DTD1: variants seen among roughly 807,000 people sequenced by gnomAD.
DTD1 encodes the protein D-aminoacyl-tRNA deacylase 1.
In DTD1, 13 loss-of-function variants were observed where a neutral mutation model predicts 25.6. That is an observed-to-expected ratio of 0.51 (90% CI 0.33 to 0.81). The LOEUF is 0.81. DTD1 is among the 30% of genes least tolerant of loss of function. The pLI, the probability that DTD1 is intolerant of heterozygous loss-of-function variation, is 0.02. For synonymous variants in DTD1, 110 were observed against 103.6 expected (o/e 1.06, Z -0.37); for missense variants, 193 against 266.4 (o/e 0.72, Z 1.92).
chr20:18,763,768 T>A lies in DTD1; in HGVS notation c.*428T>A, dbSNP rs968925678. The A allele has an allele frequency of 1.3e-5, 2 of 152,280 alleles. No individual in the cohort carries two copies. The highest frequency in any genetic ancestry group is 4.8e-5 in the African/African-American group (2 of 41,450). 9.4% of individuals were successfully genotyped at this position (152,280 alleles called of 1,614,324 possible). ...CTCACACTGTCCATGTTCTTTTTAT[T>A]GCCAGGGCCCGTGTTGAAGTGTCAA... On this transcript the variant is annotated 3_prime_UTR_variant, in exon 6 of 6. Coordinates refer to ENST00000377452, the MANE Select transcript of DTD1 (RefSeq NM_080820.6).
intron 4 of DTD1, among the ~76,000 whole-genome samples, chr20:18,720,954 A>T (rs1316653277): frequency 6.6e-6 from 1 of 152,236 alleles, no homozygotes; most frequent in Non-Finnish European, 1.5e-5. Flanking sequence ...ACCTTGTTAA[A>T]CACCCTAATG....
At chr20:18,594,919 G>A (rs2060603849) in intron 2 of DTD1, among the ~76,000 whole-genome samples, 1 of 152,184 alleles carries the variant, frequency 6.6e-6, no homozygotes, top group Non-Finnish European at 1.5e-5. Flanking sequence ...AGGGGGTAAT[G>A]AGTAGCACCT....
chr20:18,631,093 C>G (rs779978549), intron 4 of DTD1: 15 of 985,324 alleles, frequency 1.5e-5, no homozygotes, highest in African/African-American at 1.7e-5. Context: ...GCAGACAGCT[C>G]TCTCTCAGCT....
chr20:18,688,233 G>A (rs568943710), intron 4 of DTD1, among the ~76,000 whole-genome samples: 6 of 152,196 alleles, frequency 3.9e-5, no homozygotes, highest in East Asian at 1.9e-4. Context: ...ACTATGCCAC[G>A]CACTAGGCAT....
intron 4 of DTD1, among the ~76,000 whole-genome samples, chr20:18,639,276 C>G (rs1161034062): frequency 1.3e-5 from 2 of 151,568 alleles, no homozygotes; most frequent in Admixed American, 6.6e-5. Context: ...CCAGTTTTCC[C>G]CCAAATACAA....
intron 4 of DTD1, among the ~76,000 whole-genome samples, chr20:18,668,982 G>A (rs1049898647): frequency 2.0e-5 from 3 of 152,200 alleles, no homozygotes; most frequent in Admixed American, 6.5e-5. Context: ...GCCCAGAACA[G>A]GCATATCTGA....
At chr20:18,666,505 A>C (rs2060931791) in intron 4 of DTD1, among the ~76,000 whole-genome samples, 1 of 152,230 alleles carries the variant, frequency 6.6e-6, no homozygotes, top group African/African-American at 2.4e-5. Flanking sequence ...ATTGCAGATA[A>C]ACAAGAAATT....
At position 18,706,510 on chromosome 20, in the gene DTD1, T is replaced by A. The variant is rs74418435; in HGVS notation, c.478-37590T>A. 4.9e-4 allele frequency among the ~76,000 whole-genome samples: 75 copies of A among 152,290 alleles called. 2 individuals are homozygous for A. In the East Asian group the frequency reaches 8.9e-3, roughly 18 times the overall value. ...TCAGGTGGGTGGGATTGCTCCTGAA[T>A]GTGGGCAGTTCAGCATTTCAAGTTG... is the stretch of plus-strand genomic sequence containing the variant. On this transcript the variant is annotated intron_variant, in intron 4 of 5. Transcript: ENST00000377452.
intron 5 of DTD1, among the ~76,000 whole-genome samples, chr20:18,745,930 G>A (rs1171986044): frequency 6.6e-6 from 1 of 152,144 alleles, no homozygotes; most frequent in Non-Finnish European, 1.5e-5. Flanking sequence ...GAAGCAGATA[G>A]GCCCATTAGG....
chr20:18,715,156 T>G (rs2061175051), intron 4 of DTD1, among the ~76,000 whole-genome samples: 1 of 152,120 alleles, frequency 6.6e-6, no homozygotes, highest in African/African-American at 2.4e-5. Context: ...TCCTAAGTAG[T>G]GACCAACTAC....
chr20:18,638,165 A>G (rs1014803541), intron 4 of DTD1, among the ~76,000 whole-genome samples: 2 of 147,184 alleles, frequency 1.4e-5, no homozygotes, highest in Admixed American at 1.4e-4. Context: ...ATGTCCCTCC[A>G]TCTGCCCATC....
At chr20:18,725,306 C>T (rs144622740) in intron 4 of DTD1, among the ~76,000 whole-genome samples, 6 of 152,274 alleles carry the variant, frequency 3.9e-5, no homozygotes, top group African/African-American at 7.2e-5. Context: ...CACTGATGGG[C>T]GTGTCTGATG....
intron 4 of DTD1, among the ~76,000 whole-genome samples, chr20:18,668,538 T>G (rs2060940287): frequency 6.6e-6 from 1 of 152,140 alleles, no homozygotes; most frequent in African/African-American, 2.4e-5. Context: ...ACCTCTGTTG[T>G]CGGTGAAGTT....
intron 5 of DTD1, among the ~76,000 whole-genome samples, chr20:18,758,119 C>T (rs2061346771): frequency 6.7e-6 from 1 of 148,472 alleles, no homozygotes; most frequent in Non-Finnish European, 1.5e-5. Flanking sequence ...GTGGTGATAT[C>T]CCCTTTATCA....
At chr20:18,609,430 G>C (rs2060677791) in intron 3 of DTD1, among the ~76,000 whole-genome samples, 1 of 152,112 alleles carries the variant, frequency 6.6e-6, no homozygotes, top group Admixed American at 6.6e-5. Context: ...GGGATTACAG[G>C]CGTGAGCCAC....
intron 4 of DTD1, among the ~76,000 whole-genome samples, chr20:18,715,959 A>G (rs1455239981): frequency 6.6e-6 from 1 of 152,122 alleles, no homozygotes; most frequent in Non-Finnish European, 1.5e-5. Context: ...GTCATGTTTG[A>G]AACACAAATT....
chr20:18,705,301 G>C (rs2061121812), intron 4 of DTD1, among the ~76,000 whole-genome samples: 2 of 152,132 alleles, frequency 1.3e-5, no homozygotes, highest in Admixed American at 1.3e-4. Flanking sequence ...TTATAGATTG[G>C]TTGATCTGAG....
At chr20:18,591,196 C>A (rs192193063) in intron 1 of DTD1, among the ~76,000 whole-genome samples, 33 of 152,232 alleles carry the variant, frequency 2.2e-4, no homozygotes, top group African/African-American at 7.9e-4. Context: ...CAAAACTGCT[C>A]CAAAATAAGA....
At position 18,596,062 on chromosome 20, in the gene DTD1, CG is replaced by C; in HGVS notation, c.192del (p.Lys65ArgfsTer3). On this transcript the variant is annotated frameshift_variant, in exon 3 of 6. Transcript: ENST00000377452. LOFTEE classifies it high-confidence loss of function. The stretch of plus-strand genomic sequence containing the variant: ...GAGGATGAGAGTGGGAAGCACTGGT[CG>C]AAGAGTGTGATGGACAAACAGTACG... ...VFEDESGKHW[S>X]KSVMDKQYEI... 6.2e-7 allele frequency: 1 copy of C among 1,613,960 alleles called. No homozygotes were observed. Among genetic ancestry groups the C allele is most frequent in the Non-Finnish European group, 8.5e-7 (1 of 1,179,998 alleles).
Sources: allele counts gnomAD v4.1 joint callset (sites outside exome capture counted in the v4.1 genomes callset), GRCh38; gene constraint gnomAD v4.1.1; transcripts MANE v1.5; gene names NCBI Gene and HGNC (gene_info 2026-07-23, HGNC 2026-07-21).